Variants in ARHGEF12 observed in about 807,000 individuals in gnomAD.
ARHGEF12 encodes the protein KMT2A/ARHGEF12 fusion protein.
A neutral mutation model predicts 211.2 loss-of-function variants in ARHGEF12; 66 were observed. The ratio of observed to expected loss-of-function variants is 0.31; its 90% CI spans 0.26 to 0.38. The LOEUF (loss-of-function observed/expected upper bound fraction) is 0.38. ARHGEF12 is among the 10% of genes least tolerant of loss of function. The pLI is 1.00. For synonymous variants in ARHGEF12, 592 were observed against 638.4 expected (o/e 0.93, Z 1.09); for missense variants, 1,429 against 1,869.5 (o/e 0.76, Z 4.34).
intron 1 of ARHGEF12, among the ~76,000 whole-genome samples, chr11:120,354,383 T>C (rs994203887): frequency 6.6e-6 from 1 of 152,126 alleles, no homozygotes; most frequent in Non-Finnish European, 1.5e-5. Context: ...CTGGCCATCT[T>C]CTCACATTCC....
chr11:120,426,864 TTTTTTG>T lies in ARHGEF12; in HGVS notation c.407-1181_407-1176del, dbSNP rs148913679. 9.2e-5 allele frequency among the ~76,000 whole-genome samples: 14 copies of T among 151,666 alleles called. No homozygotes were observed. In the East Asian group the frequency reaches 9.7e-4, roughly 11 times the overall value. ...ATTACTGACTCTGATTATGGTGTTTTTTTTTGTTTTTGTTTTTGTTTTTGTTTTTTG... is the reference window on the plus strand; with the variant it reads ...ATTACTGACTCTGATTATGGTGTTTTTTTTTGTTTTTGTTTTTGTTTTTTG... On this transcript the variant is annotated intron_variant, in intron 7 of 40. Transcript: ENST00000397843.
intron 1 of ARHGEF12, among the ~76,000 whole-genome samples, chr11:120,401,258 T>C (rs1167212719): frequency 6.6e-6 from 1 of 152,202 alleles, no homozygotes. Context: ...TTTATTTTGT[T>C]GTAGTTGCGA....
chr11:120,447,737 G>T, intron 18 of ARHGEF12, 137 bp from the exon 19 acceptor site: 1 of 565,026 alleles, frequency 1.8e-6, no homozygotes, highest in Admixed American at 3.8e-5. Context: ...AATCACTTGC[G>T]CCCAGGAGGC....
intron 1 of ARHGEF12, among the ~76,000 whole-genome samples, chr11:120,358,794 G>A (rs771540468): frequency 2.6e-5 from 4 of 152,130 alleles, no homozygotes; most frequent in Non-Finnish European, 4.4e-5. Context: ...ATTTATCAAC[G>A]CATAGTTTAC....
chr11:120,478,884 C>T (rs1024378338), intron 37 of ARHGEF12, among the ~76,000 whole-genome samples: 3 of 152,068 alleles, frequency 2.0e-5, no homozygotes, highest in Admixed American at 2.0e-4. Flanking sequence ...TCATCAAATG[C>T]TTAAAATAAT....
chr11:120,339,336 T>C (rs1479015864), intron 1 of ARHGEF12, among the ~76,000 whole-genome samples: 1 of 152,156 alleles, frequency 6.6e-6, no homozygotes, highest in African/African-American at 2.4e-5. Flanking sequence ...TGAATATATG[T>C]TGGGGTGAAA....
chr11:120,369,889 G>A (rs551919218), intron 1 of ARHGEF12, among the ~76,000 whole-genome samples: 49 of 152,204 alleles, frequency 3.2e-4, no homozygotes, highest in African/African-American at 1.1e-3. Context: ...AGATGAAGTC[G>A]AGGCTCCCCT....
chr11:120,453,929 T>G (rs1330684094), intron 22 of ARHGEF12, among the ~76,000 whole-genome samples: 1 of 152,238 alleles, frequency 6.6e-6, no homozygotes, highest in Non-Finnish European at 1.5e-5. Context: ...AATAGTTATA[T>G]CAGCAGCTTC....
intron 28 of ARHGEF12, among the ~76,000 whole-genome samples, chr11:120,466,773 A>C (rs1946716466): frequency 6.6e-6 from 1 of 152,258 alleles, no homozygotes; most frequent in Non-Finnish European, 1.5e-5. Flanking sequence ...CCACTGGTAT[A>C]GATGAGCTGG....
intron 1 of ARHGEF12, among the ~76,000 whole-genome samples, chr11:120,338,203 T>C (rs1942416505): frequency 6.6e-6 from 1 of 152,234 alleles, no homozygotes; most frequent in Admixed American, 6.5e-5. Flanking sequence ...GCTTGCTTTA[T>C]TTTTAAGTCA....
chr11:120,477,883 GAAAAA>G (rs1428274429), intron 36 of ARHGEF12, among the ~76,000 whole-genome samples: 37 of 138,976 alleles, frequency 2.7e-4, no homozygotes, highest in Admixed American at 1.1e-3. Context: ...AAGAAAAAAA[GAAAAA>G]AAAGAAAATA....
At chr11:120,466,923 G>A (rs1032344676) in intron 28 of ARHGEF12, among the ~76,000 whole-genome samples, 1 of 152,198 alleles carries the variant, frequency 6.6e-6, no homozygotes. Flanking sequence ...TTCAACACAA[G>A]GAAGCGATAC....
chr11:120,445,399 C>A (rs1946014091), intron 15 of ARHGEF12, 23 bp from the exon 16 acceptor site: 1 of 1,613,552 alleles, frequency 6.2e-7, no homozygotes. Context: ...GTTGTTACAC[C>A]TTTTGTTTGC....
Position 120,488,077 on chromosome 11 carries a change from T to C in ARHGEF12, c.*3000T>C, listed in dbSNP as rs914137392. The C allele has an allele frequency of 1.1e-4, 23 of 218,394 alleles. No individual in the cohort carries two copies. The East Asian group carries it at 1.4e-3, about 14-fold the overall frequency. 13.5% of individuals were successfully genotyped at this position (218,394 alleles called of 1,614,324 possible). A position where few individuals can be genotyped will look rare whatever the true frequency, so the allele number is the denominator to read the frequency against. ...CTTTTTAAAAAGTTGTTGTTGTTGT[T>C]GTTTATTTGATTTTGAGTTAGGAGG... On this transcript the variant is annotated 3_prime_UTR_variant, in exon 41 of 41. Coordinates refer to ENST00000397843, the MANE Select transcript of ARHGEF12 (RefSeq NM_015313.3).
chr11:120,437,047 A>G (rs879517192), intron 11 of ARHGEF12, among the ~76,000 whole-genome samples: 18 of 152,134 alleles, frequency 1.2e-4, no homozygotes, highest in Non-Finnish European at 2.2e-4. Context: ...TTTGGTAGAA[A>G]AGTAACCTCC....
rs1476808594 is a variant in ARHGEF12 at position 120,407,526 on chromosome 11, A to AT, written c.57-207dup. ...AAAAGAGACTTTAATGCTGAATACT[A>AT]TTTTTAATTATTTTAAGCAGTTTTT... On this transcript the variant is annotated intron_variant, in intron 2 of 40. Transcript: ENST00000397843. 2.0e-5 allele frequency among the ~76,000 whole-genome samples: 3 copies of AT among 152,286 alleles called. No individual in the cohort carries two copies. In the East Asian group the frequency reaches 5.8e-4, roughly 29 times the overall value.
chr11:120,466,523 T>C (rs1468825683), intron 28 of ARHGEF12, among the ~76,000 whole-genome samples: 1 of 152,196 alleles, frequency 6.6e-6, no homozygotes, highest in Non-Finnish European at 1.5e-5. Flanking sequence ...TAATCATAGG[T>C]GTGATATCCC....
At chr11:120,483,847 C>T (rs1947326699) in intron 39 of ARHGEF12, among the ~76,000 whole-genome samples, 1 of 152,176 alleles carries the variant, frequency 6.6e-6, no homozygotes. Flanking sequence ...ATCTCCTGAC[C>T]TCGTGATCCG....
chr11:120,471,231 G>A (rs1289230543), intron 30 of ARHGEF12, among the ~76,000 whole-genome samples: 1 of 152,076 alleles, frequency 6.6e-6, no homozygotes, highest in Non-Finnish European at 1.5e-5. Context: ...CAACAGAATG[G>A]ATAAACCAAC....
Sources: gnomAD v4.1 joint callset for allele counts (sites outside exome capture counted in the v4.1 genomes callset) on GRCh38, gnomAD v4.1.1 for gene constraint, MANE v1.5 for transcripts, NCBI Gene and HGNC (gene_info 2026-07-23, HGNC 2026-07-21) for gene names.